Variants in PPP1R13B observed in about 807,000 individuals in gnomAD.
The protein encoded by PPP1R13B is apoptosis-stimulating of p53 protein 1.
In PPP1R13B, 44 loss-of-function variants were observed where a neutral mutation model predicts 119.8. The ratio of observed to expected loss-of-function variants is 0.37; its 90% confidence interval spans 0.29 to 0.47. PPP1R13B has a LOEUF of 0.47. Ranked by LOEUF, PPP1R13B falls within the 20% of genes least tolerant of loss-of-function variation. The pLI, the probability that PPP1R13B is intolerant of heterozygous loss-of-function variation, is 0.99. For synonymous variants in PPP1R13B, 542 were observed against 561.5 expected (o/e 0.97, Z 0.49); for missense variants, 1,227 against 1,413.5 (o/e 0.87, Z 2.12).
At chr14:103,787,648 AC>A (rs1231672716) in intron 2 of PPP1R13B, among the ~76,000 whole-genome samples, 9 of 140,750 alleles carry the variant, frequency 6.4e-5, no homozygotes, top group African/African-American at 2.4e-4. Context: ...CTTAATTGCT[AC>A]ATTTTTTTTT....
chr14:103,740,512 G>A lies in PPP1R13B; in HGVS notation c.1904C>T (p.Thr635Ile), dbSNP rs574650307. ...PFLHGSLSTG[T>I]PQPQPPSEST... ...TTCTGAAGGTGGCTGAGGCTGTGGT[G>A]TGCCCGTGGACAGTGACCCGTGAAG... The change falls in exon 12 of 17, where the codon ACA becomes ATA. Residue 635 changes from threonine to isoleucine, a missense_variant. Physicochemically the swap from Thr to Ile is moderately conservative, Grantham distance 89. Coordinates refer to ENST00000202556, the MANE Select transcript of PPP1R13B (RefSeq NM_015316.3). The surrounding 1 kb of genome is among the most constrained non-coding windows in gnomAD (Gnocchi z 4.6). 19 of 1,605,114 alleles carry A rather than the reference G, an allele frequency of 1.2e-5. No homozygotes were observed. The East Asian group carries it at 4.3e-4, about 36-fold the overall frequency.
At chr14:103,780,485 C>CAAAAAAAA (rs34274916) in intron 3 of PPP1R13B, among the ~76,000 whole-genome samples, 3 of 36,210 alleles carry the variant, frequency 8.3e-5, no homozygotes, top group South Asian at 1.7e-3. Flanking sequence ...AACCCTGTCT[C>CAAAAAAAA]AAAAAAAAAA....
chr14:103,739,339 G>A (rs1217876887), intron 12 of PPP1R13B: 13 of 363,242 alleles, frequency 3.6e-5, no homozygotes, highest in Non-Finnish European at 6.5e-5. Context: ...CTGCCAAGTA[G>A]CTGATGGGAG....
chr14:103,818,467 A>C (rs2086329671), intron 1 of PPP1R13B: 1 of 974,916 alleles, frequency 1.0e-6, no homozygotes. Flanking sequence ...CTCAATGTTA[A>C]TATTGTCAGG....
rs762835808 is a variant in PPP1R13B at position 103,746,497 on chromosome 14, C to T, written c.1026G>A (p.Arg342=). The T allele has an allele frequency of 3.7e-6, 6 of 1,614,022 alleles. No homozygotes were observed. Among genetic ancestry groups the T allele is most frequent in the Non-Finnish European group, 5.1e-6 (6 of 1,179,892 alleles). ...GGATATAAGGCCCCACAGCAGCGAC[C>T]CTGCCCGATGTGCTCAGAGGGGACT... ...SPQSPLSTSG[R]VAAVGPYIQV... The change falls in exon 9 of 17, where the codon AGG becomes AGA. Residue 342 remains arginine, a synonymous_variant. Coordinates refer to ENST00000202556, the MANE Select transcript of PPP1R13B (RefSeq NM_015316.3).
At position 103,758,462 on chromosome 14, in the gene PPP1R13B, C is replaced by T. The variant is rs529435117; in HGVS notation, c.355-711G>A. Among the ~76,000 whole-genome samples, 4 of 152,222 alleles carry T rather than the reference C, an allele frequency of 2.6e-5. No individual in the cohort carries two copies. The South Asian group carries it at 8.3e-4, about 32-fold the overall frequency. Reference sequence around the variant, plus strand: ...AGCACAGGGCAGTCAGCTTGCGAGGCAAAGCAGAGACACAGAGTCTATGTT... The same window carrying T: ...AGCACAGGGCAGTCAGCTTGCGAGGTAAAGCAGAGACACAGAGTCTATGTT... On this transcript the variant is annotated intron_variant, in intron 4 of 16. Coordinates refer to ENST00000202556, the MANE Select transcript of PPP1R13B (RefSeq NM_015316.3).
intron 9 of PPP1R13B, chr14:103,744,038 T>C (rs931212811): frequency 3.3e-5 from 5 of 152,242 alleles, no homozygotes; most frequent in African/African-American, 1.2e-4. Context: ...CCAACTGCCA[T>C]CTTGCTCCAC....
rs773166318 is a variant in PPP1R13B at position 103,749,863 on chromosome 14, G to T, written c.900C>A (p.Asn300Lys). ...QQQKELLNKR[N>K]MEVAMMDKRI... ...GCTTGTCCATCATGGCCACCTCCAT[G>T]TTGCGCTTATTTAAGAGTTCCTTCT... Residue 300 changes from asparagine (N) to lysine (K), a missense_variant, in exon 8 of 17, where the codon AAC becomes AAA. Transcript: ENST00000202556. 3.1e-6 allele frequency: 5 copies of T among 1,614,138 alleles called. No homozygotes were observed. The highest frequency in any genetic ancestry group is 4.2e-6 in the Non-Finnish European group (5 of 1,180,022).
At chr14:103,805,295 GA>G (rs2085991165) in intron 1 of PPP1R13B, among the ~76,000 whole-genome samples, 1 of 152,156 alleles carries the variant, frequency 6.6e-6, no homozygotes. Flanking sequence ...ACAAGGCCAG[GA>G]ACGGTGGCTC....
intron 2 of PPP1R13B, among the ~76,000 whole-genome samples, chr14:103,785,358 A>G (rs995287686): frequency 2.0e-5 from 3 of 152,030 alleles, no homozygotes. Context: ...AGCTGAAATC[A>G]CAGGCATCCA....
At position 103,734,507 on chromosome 14, in the gene PPP1R13B, C is replaced by T. The variant is rs371892324; in HGVS notation, c.*647G>A. On this transcript the variant is annotated 3_prime_UTR_variant, in exon 17 of 17. Coordinates refer to ENST00000202556, the MANE Select transcript of PPP1R13B (RefSeq NM_015316.3). ...ACTTGGTCTTAGGGGTCCTGGTGCC[C>T]GTGGCGCGGCAGTCCAGCCACAGTG... 75 of 456,258 alleles carry T rather than the reference C, an allele frequency of 1.6e-4. No homozygotes were observed. Among genetic ancestry groups the T allele is most frequent in the African/African-American group, 6.6e-4 (33 of 50,162 alleles). The allele number at this position is 456,258 out of a possible 1,614,324, so 28.3% of individuals were successfully genotyped here.
rs757816038 is a variant in PPP1R13B, at chr14:103,739,923, C to T, written c.2493G>A (p.Glu831=). Residue 831 remains glutamate (E), a synonymous_variant, in exon 12 of 17, where the codon GAG becomes GAA. Transcript: ENST00000202556. ...CCTCAGCCACAGGACTCGGGATCTG[C>T]TCCGTGGTGGGGACCGTGGCCACGT... is the stretch of plus-strand genomic sequence containing the variant. ...NNNVATVPTT[E]QIPSPVAEAP... is the part of the protein sequence containing the mutation. 5 of 1,614,004 alleles carry T rather than the reference C, an allele frequency of 3.1e-6. No homozygotes were observed. The highest frequency in any genetic ancestry group is 4.2e-6 in the Non-Finnish European group (5 of 1,180,048).
rs557094560 is a variant in PPP1R13B, at chr14:103,772,469, A to G, written c.354+6276T>C. ...CCCACAAGCAATACATAAGAGTTCC[A>G]ATTTCTCCCTTTCCTCACCAACACT... is the stretch of plus-strand genomic sequence containing the variant. On this transcript the variant is annotated intron_variant, in intron 4 of 16. Coordinates refer to ENST00000202556, the MANE Select transcript of PPP1R13B (RefSeq NM_015316.3). Among the ~76,000 whole-genome samples the G allele has an allele frequency of 3.9e-4, 60 of 152,296 alleles. 1 individual carries two copies. In the South Asian group the frequency reaches 0.011, roughly 27 times the overall value.
chr14:103,818,333 A>G, intron 1 of PPP1R13B: 1 of 322,206 alleles, frequency 3.1e-6, no homozygotes, highest in Non-Finnish European at 4.5e-6. Context: ...TAGAATTTCA[A>G]TACCATCCCT....
rs768432294 is a variant in PPP1R13B, at chr14:103,745,978, G to A, written c.1150+395C>T. Among the ~76,000 whole-genome samples, 54 of 152,174 alleles carry A rather than the reference G, an allele frequency of 3.5e-4. 2 individuals are homozygous for A. The Middle Eastern group carries it at 0.02, about 58-fold the overall frequency. On this transcript the variant is annotated intron_variant, in intron 9 of 16. Coordinates refer to ENST00000202556, the MANE Select transcript of PPP1R13B (RefSeq NM_015316.3). Reference sequence around the variant, plus strand: ...ACGCCACCACGCCCGGCTAATTTTCGTAGTTTTAGTAAAGACAGGGTTTCA... The same window carrying A: ...ACGCCACCACGCCCGGCTAATTTTCATAGTTTTAGTAAAGACAGGGTTTCA...
chr14:103,747,623 C>T (rs1997913), intron 8 of PPP1R13B, among the ~76,000 whole-genome samples: 67,167 of 151,810 alleles, frequency 0.44, 15,292 homozygotes, highest in African/African-American at 0.55. Context: ...TCTAGCAGTG[C>T]ACACTGCACA....
chr14:103,742,344 A>G lies in PPP1R13B; in HGVS notation c.1321-53T>C. 4.7e-6 allele frequency: 7 copies of G among 1,497,470 alleles called. No individual in the cohort carries two copies. The highest frequency in any genetic ancestry group is 6.2e-6 in the Non-Finnish European group (7 of 1,129,186). The allele number at this position is 1,497,470 out of a possible 1,614,324, so 92.8% of individuals were successfully genotyped here. A position where few individuals can be genotyped will look rare whatever the true frequency, so the allele number is the denominator to read the frequency against. ...AAAGTCACCCTTTGAACAGTTAAGA[A>G]TATTTCCACCCACATTCCCAAGAGA... On this transcript the variant is annotated intron_variant, in intron 10 of 16. Coordinates refer to ENST00000202556, the MANE Select transcript of PPP1R13B (RefSeq NM_015316.3). This position sits in a 1 kb window ranked among gnomAD's most constrained non-coding sequence, Gnocchi z 4.9.
At chr14:103,810,906 T>A (rs1176135102) in intron 1 of PPP1R13B, among the ~76,000 whole-genome samples, 2 of 147,020 alleles carry the variant, frequency 1.4e-5, no homozygotes, top group African/African-American at 5.0e-5. Context: ...CTGGGCAACA[T>A]GGTGAAGCCC....
chr14:103,792,169 C>CGTGTGTGTGTGTGTGTGTGTGT (rs58782839), intron 2 of PPP1R13B, among the ~76,000 whole-genome samples: 16 of 137,254 alleles, frequency 1.2e-4, no homozygotes, highest in African/African-American at 4.0e-4. Context: ...CTCTATTCAT[C>CGTGTGTGTGTGTGTGTGTGTGT]GTGTGTGTGT....
Sources: allele counts gnomAD v4.1 joint callset (sites outside exome capture counted in the v4.1 genomes callset), GRCh38; gene constraint gnomAD v4.1.1; non-coding constraint Gnocchi (gnomAD v3.1); transcripts MANE v1.5; gene names NCBI Gene and HGNC (gene_info 2026-07-23, HGNC 2026-07-21).